Variants in GPC6 observed in about 807,000 individuals in gnomAD.
GPC6 encodes the protein glypican 6.
Under a neutral mutation model 55.2 loss-of-function variants are expected in GPC6, and 14 were observed. The ratio of observed to expected loss-of-function variants is 0.25; its 90% CI spans 0.17 to 0.40. The LOEUF is 0.40. GPC6 is among the 10% of genes least tolerant of loss of function. The pLI, the probability that GPC6 is intolerant of heterozygous loss-of-function variation, is 1.00. For missense variants in GPC6, 641 were observed against 708.5 expected (o/e 0.90, Z 1.08); for synonymous variants, 278 against 259.6 (o/e 1.07, Z -0.68).
intron 1 of GPC6, among the ~76,000 whole-genome samples, chr13:93,258,790 A>AT (rs2139037870): frequency 6.6e-6 from 1 of 152,156 alleles, no homozygotes; most frequent in South Asian, 2.1e-4. Flanking sequence ...AAAATAAAAA[A>AT]TAAAAAAAAA....
chr13:93,511,658 A>C (rs1380756824), intron 1 of GPC6, among the ~76,000 whole-genome samples: 3 of 151,356 alleles, frequency 2.0e-5, no homozygotes, highest in Non-Finnish European at 4.4e-5. Flanking sequence ...GGCTATTTGG[A>C]GTCTGGTTCC....
intron 1 of GPC6, among the ~76,000 whole-genome samples, chr13:93,396,305 C>T (rs892787199): frequency 2.6e-5 from 4 of 152,142 alleles, no homozygotes; most frequent in African/African-American, 9.7e-5. Context: ...TAGCTCACGC[C>T]TGTAATCCCA....
At chr13:94,163,991 A>G (rs1888261597) in intron 4 of GPC6, among the ~76,000 whole-genome samples, 1 of 152,212 alleles carries the variant, frequency 6.6e-6, no homozygotes, top group South Asian at 2.1e-4. Flanking sequence ...CAATTACAGT[A>G]CTTAAATTTG....
At chr13:93,484,108 G>A (rs1441915361) in intron 1 of GPC6, among the ~76,000 whole-genome samples, 2 of 152,104 alleles carry the variant, frequency 1.3e-5, no homozygotes, top group African/African-American at 4.8e-5. Context: ...AGAAAATGTG[G>A]TGCTTATGGA....
intron 4 of GPC6, among the ~76,000 whole-genome samples, chr13:94,045,336 C>G (rs920164876): frequency 7.9e-5 from 12 of 151,858 alleles, no homozygotes; most frequent in Admixed American, 7.2e-4. Context: ...ATTCACATAC[C>G]AAATGTCAAT....
intron 2 of GPC6, among the ~76,000 whole-genome samples, chr13:93,630,923 TG>T (rs929759523): frequency 1.8e-4 from 27 of 151,914 alleles, no homozygotes; most frequent in African/African-American, 6.5e-4. Context: ...TTTAAAGAAG[TG>T]ATTAAATTAA....
At chr13:93,273,343 G>A (rs372138496) in intron 1 of GPC6, among the ~76,000 whole-genome samples, 35 of 152,188 alleles carry the variant, frequency 2.3e-4, no homozygotes, top group African/African-American at 7.2e-4. Flanking sequence ...GATAGAACTC[G>A]TTTGCCTAAA....
intron 1 of GPC6, among the ~76,000 whole-genome samples, chr13:93,342,623 A>C (rs554261496): frequency 1.3e-5 from 2 of 152,284 alleles, no homozygotes; most frequent in East Asian, 1.9e-4. Context: ...AATAGGAGTT[A>C]TTGGAAGTAA....
At position 94,190,701 on chromosome 13, in the gene GPC6, A is replaced by G. The variant is rs1412671662; in HGVS notation, c.878-95648A>G. On this transcript the variant is annotated intron_variant, in intron 4 of 8. Coordinates refer to ENST00000377047, the MANE Select transcript of GPC6 (RefSeq NM_005708.5). ...TTAATAACTGCAGTATGGGTGTGTAAGAGGTTATCCTTGTTCCTAGGAAAT... is the reference window on the plus strand; with the variant it reads ...TTAATAACTGCAGTATGGGTGTGTAGGAGGTTATCCTTGTTCCTAGGAAAT... Among the ~76,000 whole-genome samples the G allele has an allele frequency of 1.3e-5, 2 of 152,200 alleles. 1 individual carries two copies. Among genetic ancestry groups the G allele is most frequent in the Admixed American group, 1.3e-4 (2 of 15,288 alleles).
At chr13:93,330,145 CT>C (rs1405171585) in intron 1 of GPC6, among the ~76,000 whole-genome samples, 3 of 152,200 alleles carry the variant, frequency 2.0e-5, no homozygotes, top group Non-Finnish European at 4.4e-5. Context: ...GCAAGAATGT[CT>C]TGCATTTCCT....
At chr13:94,061,093 A>G (rs530076449) in intron 4 of GPC6, among the ~76,000 whole-genome samples, 21 of 152,322 alleles carry the variant, frequency 1.4e-4, no homozygotes, top group African/African-American at 3.4e-4. Flanking sequence ...GAAAATATGT[A>G]AGCAATGGAG....
chr13:93,762,918 C>A (rs570660565), intron 2 of GPC6, among the ~76,000 whole-genome samples: 12 of 152,262 alleles, frequency 7.9e-5, no homozygotes, highest in African/African-American at 1.9e-4. Flanking sequence ...GAAGACATTG[C>A]ATAAATCCTT....
chr13:94,335,579 C>A (rs1381799864), intron 6 of GPC6, among the ~76,000 whole-genome samples: 1 of 138,282 alleles, frequency 7.2e-6, no homozygotes, highest in African/African-American at 2.7e-5. Flanking sequence ...CATAAAATGT[C>A]CCTTAAACAC....
chr13:94,251,908 C>A (rs1258217915), intron 4 of GPC6, among the ~76,000 whole-genome samples: 1 of 152,052 alleles, frequency 6.6e-6, no homozygotes, highest in Non-Finnish European at 1.5e-5. Flanking sequence ...ATCGACTATG[C>A]CTGTAGCTAG....
At chr13:94,297,122 G>A (rs1875380219) in intron 5 of GPC6, among the ~76,000 whole-genome samples, 1 of 152,130 alleles carries the variant, frequency 6.6e-6, no homozygotes, top group East Asian at 1.9e-4. Flanking sequence ...TTTCTAGGAA[G>A]ATTTCTCAGA....
intron 2 of GPC6, among the ~76,000 whole-genome samples, chr13:93,825,860 C>CTTTTTTTT (rs1029574657): frequency 6.4e-5 from 8 of 124,172 alleles, no homozygotes; most frequent in East Asian, 2.4e-4. Context: ...TTATTATTTT[C>CTTTTTTTT]TTTTTTTTTT....
chr13:93,941,510 C>T (rs1183149202), intron 3 of GPC6, among the ~76,000 whole-genome samples: 2 of 152,178 alleles, frequency 1.3e-5, no homozygotes, highest in East Asian at 1.9e-4. Flanking sequence ...CAGTGCAGTA[C>T]GTACTGCTCC....
At chr13:93,637,813 GTTGA>G (rs1879760267) in intron 2 of GPC6, among the ~76,000 whole-genome samples, 1 of 152,026 alleles carries the variant, frequency 6.6e-6, no homozygotes, top group South Asian at 2.1e-4. Flanking sequence ...GCTAGAATAG[GTTGA>G]TTATGATGGA....
At chr13:93,938,014 T>TA (rs998985939) in intron 3 of GPC6, among the ~76,000 whole-genome samples, 4 of 152,244 alleles carry the variant, frequency 2.6e-5, no homozygotes, top group Non-Finnish European at 5.9e-5. Flanking sequence ...GAAATTATAA[T>TA]ACCCTTAATT....
Sources: gnomAD v4.1 joint callset for allele counts (sites outside exome capture counted in the v4.1 genomes callset) on GRCh38, gnomAD v4.1.1 for gene constraint, MANE v1.5 for transcripts, NCBI Gene and HGNC (gene_info 2026-07-23, HGNC 2026-07-21) for gene names.